The following USH2A variants were observed in gnomAD, a reference collection of about 807,000 sequenced individuals.
The protein encoded by USH2A is Usher syndrome 2A (autosomal recessive, mild).
Under a neutral mutation model 538.9 loss-of-function variants are expected in USH2A, and 443 were observed. That is an observed-to-expected ratio of 0.82 (90% CI 0.76 to 0.89). The LOEUF is 0.89. USH2A is among the 40% of genes least tolerant of loss of function. USH2A has a pLI of 0.00. For synonymous variants in USH2A, 2,413 were observed against 2,273.5 expected (o/e 1.06, Z -1.75); for missense variants, 6,633 against 6,324.8 (o/e 1.05, Z -1.65).
In USH2A at chr1:216,370,677, C is replaced by CAAAAAAAAAAAAAAAAAA. The variant is rs58845914; in HGVS notation, c.652-5610_652-5593dup. 1.0e-3 allele frequency among the ~76,000 whole-genome samples: 31 copies of CAAAAAAAAAAAAAAAAAA among 30,002 alleles called. 4 individuals carry two copies. The highest frequency in any genetic ancestry group is 1.4e-3 in the East Asian group (1 of 698). 19.7% of individuals were successfully genotyped at this position (30,002 alleles called of 152,430 possible). ...TGGGGAACAGAGCCAGACTCTGTCTCAAAAAAAAAAAAAAAAAAAAAAAAA... is the reference window on the plus strand; with the variant it reads ...TGGGGAACAGAGCCAGACTCTGTCTCAAAAAAAAAAAAAAAAAAAAAAAAAAAAAAAAAAAAAAAAAAA... On this transcript the variant is annotated intron_variant, in intron 3 of 71. Transcript: ENST00000307340.
intron 61 of USH2A, among the ~76,000 whole-genome samples, chr1:215,720,057 G>A (rs1369604313): frequency 6.6e-6 from 1 of 152,166 alleles, no homozygotes; most frequent in Non-Finnish European, 1.5e-5. Context: ...TAGGTGGTAA[G>A]TAACTCTACT....
chr1:215,731,676 T>C (rs1362235158), intron 60 of USH2A, among the ~76,000 whole-genome samples: 1 of 152,222 alleles, frequency 6.6e-6, no homozygotes, highest in Admixed American at 6.5e-5. Flanking sequence ...GGTCTCAATG[T>C]ACAATGCTTT....
At chr1:215,752,812 G>A (rs994117308) in intron 58 of USH2A, among the ~76,000 whole-genome samples, 4 of 152,094 alleles carry the variant, frequency 2.6e-5, no homozygotes, top group African/African-American at 9.7e-5. Flanking sequence ...TGACAAATGG[G>A]ATCTAATTAA....
chr1:216,084,918 A>G (rs757416754), intron 24 of USH2A, 41 bp from the exon 25 acceptor site: 1 of 1,595,564 alleles, frequency 6.3e-7, no homozygotes, highest in Non-Finnish European at 8.6e-7. Context: ...ATATTTTGAA[A>G]GATTATTTTC....
chr1:216,308,612 TTTTC>T (rs1414444109), intron 9 of USH2A, among the ~76,000 whole-genome samples: 2 of 152,194 alleles, frequency 1.3e-5, no homozygotes, highest in Non-Finnish European at 2.9e-5. Context: ...AGTATGTAGC[TTTTC>T]TTTCTTTTTA....
rs766715882 is a variant in USH2A at position 216,323,678 on chromosome 1, C to T, written c.1346G>A (p.Arg449His). The part of the protein sequence containing the change: ...LQLSNFTPYS[R>H]GNVTFSILTP... ...CAGGATGCTAAATGTGACATTGCCA[C>T]GGGAATATGGAGTAAAACTGTTAAT... The change falls in exon 8 of 72, where the codon CGT becomes CAT. Residue 449 changes from arginine to histidine, a missense_variant. Physicochemically the swap from Arg to His is conservative, Grantham distance 29. Transcript: ENST00000307340. 9.4e-5 allele frequency: 151 copies of T among 1,613,182 alleles called. No individual in the cohort carries two copies. In the East Asian group the frequency reaches 2.3e-3, roughly 24 times the overall value.
chr1:216,335,144 A>C (rs1161676457), intron 4 of USH2A, among the ~76,000 whole-genome samples: 2 of 151,778 alleles, frequency 1.3e-5, no homozygotes, highest in Non-Finnish European at 3.0e-5. Context: ...CAATAACAGA[A>C]GCAAATTTGT....
rs188763335 is a variant in USH2A, at chr1:216,189,336, G to A, written c.4396+887C>T. ...GAAGGGATTTGGGGAGGAGGTCTAG[G>A]AAATGTTTTTACAGGTAAACATGAA... On this transcript the variant is annotated intron_variant, in intron 20 of 71. Transcript: ENST00000307340. 5.3e-4 allele frequency among the ~76,000 whole-genome samples: 81 copies of A among 151,964 alleles called. 1 individual carries two copies. In the East Asian group the frequency reaches 0.015, roughly 28 times the overall value.
At chr1:216,386,379 C>A (rs1416998203) in intron 3 of USH2A, among the ~76,000 whole-genome samples, 1 of 150,782 alleles carries the variant, frequency 6.6e-6, no homozygotes, top group Non-Finnish European at 1.5e-5. Flanking sequence ...CGCCTGTAGT[C>A]CAAGCTACTC....
At chr1:216,023,459 C>CAAAAAAA in intron 32 of USH2A, among the ~76,000 whole-genome samples, 754 of 46,824 alleles carry the variant, frequency 0.016, 31 homozygotes, top group Middle Eastern at 0.047. Context: ...TCAAAGCAGA[C>CAAAAAAA]AAAAAAAAAA....
At chr1:215,677,424 A>G (rs1474340106) in intron 62 of USH2A, among the ~76,000 whole-genome samples, 2 of 151,990 alleles carry the variant, frequency 1.3e-5, no homozygotes, top group African/African-American at 4.8e-5. Flanking sequence ...CTATTGCTCC[A>G]TTTCTCTGCT....
intron 3 of USH2A, among the ~76,000 whole-genome samples, chr1:216,393,253 A>T (rs1449371603): frequency 6.6e-6 from 1 of 152,214 alleles, no homozygotes; most frequent in Non-Finnish European, 1.5e-5. Context: ...TGGAACAAAA[A>T]CAATTCTCCT....
intron 71 of USH2A, among the ~76,000 whole-genome samples, chr1:215,627,425 C>CTTCCTTCCTTCCTTCCTTCCTTCT (rs1656078957): frequency 9.4e-6 from 1 of 105,878 alleles, no homozygotes; most frequent in Non-Finnish European, 1.8e-5. Flanking sequence ...TCCTTCCTTC[C>CTTCCTTCCTTCCTTCCTTCCTTCT]TTCCTTCCTT....
intron 36 of USH2A, among the ~76,000 whole-genome samples, chr1:215,968,830 T>A (rs999094017): frequency 6.6e-6 from 1 of 152,212 alleles, no homozygotes; most frequent in Non-Finnish European, 1.5e-5. Flanking sequence ...TAGATGAATA[T>A]CTTAAGAAAC....
At chr1:216,184,557 C>A (rs912636003) in intron 20 of USH2A, among the ~76,000 whole-genome samples, 3 of 151,656 alleles carry the variant, frequency 2.0e-5, no homozygotes, top group East Asian at 3.9e-4. Flanking sequence ...CAGGAATGAA[C>A]AAAATGCATT....
intron 61 of USH2A, among the ~76,000 whole-genome samples, chr1:215,711,039 T>C (rs978379511): frequency 2.0e-5 from 3 of 152,098 alleles, no homozygotes; most frequent in African/African-American, 7.2e-5. Flanking sequence ...TCCAACTTCT[T>C]CTGATGTACG....
At chr1:215,929,598 T>C (rs1308231396) in intron 38 of USH2A, among the ~76,000 whole-genome samples, 14 of 151,882 alleles carry the variant, frequency 9.2e-5, no homozygotes, top group Non-Finnish European at 1.6e-4. Context: ...CCAAAAAGAG[T>C]CTTAGTAGGA....
At chr1:216,261,416 T>C (rs1303481809) in intron 11 of USH2A, among the ~76,000 whole-genome samples, 2 of 140,290 alleles carry the variant, frequency 1.4e-5, no homozygotes, top group Admixed American at 7.3e-5. Flanking sequence ...GGAGTTTGAG[T>C]CCAGCCTAGA....
chr1:215,636,180 C>A (rs533075377), intron 69 of USH2A, among the ~76,000 whole-genome samples: 1 of 152,308 alleles, frequency 6.6e-6, no homozygotes, highest in East Asian at 1.9e-4. Flanking sequence ...ACAAATCTCC[C>A]CCTTTTCAAC....
Sources: gnomAD v4.1 joint callset for allele counts (sites outside exome capture counted in the v4.1 genomes callset) on GRCh38, gnomAD v4.1.1 for gene constraint, MANE v1.5 for transcripts, NCBI Gene and HGNC (gene_info 2026-07-23, HGNC 2026-07-21) for gene names.